The following NUP98 variants were observed in gnomAD, a reference collection of about 807,000 sequenced individuals.
The protein encoded by NUP98 is nuclear pore complex protein Nup98-Nup96.
NUP98 carries 26 observed loss-of-function variants against 191.9 expected under a neutral mutation model. The ratio of observed to expected loss-of-function variants is 0.14; its 90% CI spans 0.10 to 0.19. NUP98 has a LOEUF of 0.19. Ranked by LOEUF, NUP98 falls within the 10% of genes least tolerant of loss-of-function variation. NUP98 has a pLI of 1.00. For missense variants in NUP98, 1,941 were observed against 2,178.8 expected (o/e 0.89, Z 2.17); for synonymous variants, 808 against 778.4 (o/e 1.04, Z -0.63).
chr11:3,706,280 A>G (rs1215922468), intron 21 of NUP98, among the ~76,000 whole-genome samples, 165 bp downstream of exon 21: 3 of 152,338 alleles, frequency 2.0e-5, no homozygotes, highest in Admixed American at 1.3e-4. Flanking sequence ...ATCTCCTTGA[A>G]TAAGAGAATG....
Position 3,699,302 on chromosome 11 carries a change from C to G in NUP98, c.3789G>C (p.Trp1263Cys). ...SLTWTLCEAL[W>C]GHLKELDSQL... ...GGCTGTCAAGCTCCTTCAGGTGGCC[C>G]CATAGGGCTTCACATAGTGTCCATG... The change falls in exon 25 of 33, where the codon TGG becomes TGC. Residue 1263 changes from tryptophan (W) to cysteine (C), a missense_variant. Physicochemically the swap from Trp to Cys is radical, Grantham distance 215. Transcript: ENST00000324932. The G allele has an allele frequency of 6.2e-7, 1 of 1,614,162 alleles. No individual in the cohort carries two copies. The highest frequency in any genetic ancestry group is 8.5e-7 in the Non-Finnish European group (1 of 1,180,036).
At chr11:3,759,374 A>G (rs2081086900) in intron 10 of NUP98, among the ~76,000 whole-genome samples, 1 of 152,176 alleles carries the variant, frequency 6.6e-6, no homozygotes, top group Non-Finnish European at 1.5e-5. Context: ...AGGCAGGCAG[A>G]TCATTTGAGC....
chr11:3,796,161 C>G (rs1172784376), intron 1 of NUP98, among the ~76,000 whole-genome samples: 1 of 152,140 alleles, frequency 6.6e-6, no homozygotes, highest in South Asian at 2.1e-4. Context: ...GCTCTTTATT[C>G]CAGTTAGCTT....
At chr11:3,677,020 A>G (rs1022151606) in intron 31 of NUP98, among the ~76,000 whole-genome samples, 1 of 152,238 alleles carries the variant, frequency 6.6e-6, no homozygotes, top group African/African-American at 2.4e-5. Flanking sequence ...AGCCTTTTCT[A>G]AAACACCAAA....
At chr11:3,716,428 G>A (rs2079184914) in intron 18 of NUP98, among the ~76,000 whole-genome samples, 1 of 151,910 alleles carries the variant, frequency 6.6e-6, no homozygotes, top group South Asian at 2.1e-4. Context: ...ATTTAAGACT[G>A]GGCGTGGTGG....
At chr11:3,722,155 C>A (rs1368267050) in intron 16 of NUP98, among the ~76,000 whole-genome samples, 1 of 147,324 alleles carries the variant, frequency 6.8e-6, no homozygotes, top group Non-Finnish European at 1.5e-5. Flanking sequence ...GTCTGTCAAC[C>A]CAGGCTGGAG....
At chr11:3,685,738 G>A (rs2078115298) in intron 29 of NUP98, among the ~76,000 whole-genome samples, 1 of 152,146 alleles carries the variant, frequency 6.6e-6, no homozygotes, top group South Asian at 2.1e-4. Flanking sequence ...GAGAGACTTT[G>A]TGATAAATAT....
chr11:3,704,097 C>T lies in NUP98; in HGVS notation c.3082+1103G>A, dbSNP rs116949720. 3.5e-3 allele frequency among the ~76,000 whole-genome samples: 539 copies of T among 152,138 alleles called. 1 individual carries two copies. The highest frequency in any genetic ancestry group is 5.5e-3 in the Non-Finnish European group (371 of 67,996). On this transcript the variant is annotated intron_variant, in intron 22 of 32. Coordinates refer to ENST00000324932, the MANE Select transcript of NUP98 (RefSeq NM_016320.5). ...CCAGATTTTCATGTAGTATCCATTACGGAAAAGGTTATTAAGAATGTTTAA... is the reference window on the plus strand; with the variant it reads ...CCAGATTTTCATGTAGTATCCATTATGGAAAAGGTTATTAAGAATGTTTAA...
intron 8 of NUP98, among the ~76,000 whole-genome samples, chr11:3,766,571 C>G (rs560335169): frequency 9.9e-5 from 15 of 151,508 alleles, no homozygotes; most frequent in Non-Finnish European, 2.2e-4. Context: ...TGCCTGCAAT[C>G]CCAGCTATGT....
chr11:3,693,332 T>C lies in NUP98; in HGVS notation c.4211A>G (p.Gln1404Arg). ...AGCCAGGGAGCGTTTCCAATCCAAC[T>C]GGGAGCACACGTTTATTTGCTTCTT... ...SEKKQINVCS[Q>R]LDWKRSLAIH... The change falls in exon 27 of 33, where the codon CAG (glutamine) becomes CGG (arginine). Residue 1404 changes from glutamine (Q) to arginine (R), a missense_variant. Gln to Arg is a conservative substitution (Grantham distance 43). Transcript: ENST00000324932. 6.2e-7 allele frequency: 1 copy of C among 1,614,176 alleles called. No homozygotes were observed. Among genetic ancestry groups the C allele is most frequent in the Non-Finnish European group, 8.5e-7 (1 of 1,180,032 alleles).
chr11:3,724,793 G>GAAA (rs1564846976), intron 15 of NUP98, among the ~76,000 whole-genome samples: 1 of 90,854 alleles, frequency 1.1e-5, no homozygotes, highest in African/African-American at 5.0e-5. Context: ...AAAAAAAAAA[G>GAAA]AAAGAAAATC....
At chr11:3,693,459 T>G (rs2134066453) in intron 26 of NUP98, 84 bp from the exon 27 acceptor site, 1 of 1,327,774 alleles carries the variant, frequency 7.5e-7, no homozygotes, top group East Asian at 2.3e-5. Flanking sequence ...GAATATTCAC[T>G]TATTCAAGGA....
Position 3,680,548 on chromosome 11 carries a change from T to C in NUP98, c.4919-840A>G, listed in dbSNP as rs564775326. 3.2e-4 allele frequency among the ~76,000 whole-genome samples: 49 copies of C among 152,324 alleles called. No individual in the cohort carries two copies. The South Asian group carries it at 0.01, about 32-fold the overall frequency. On this transcript the variant is annotated intron_variant, in intron 30 of 32. Transcript: ENST00000324932. ...TCCTTCCATGAATCACAAATGTTTT[T>C]TGTGTATTTTTTTGTTGGGGTCTCA...
intron 22 of NUP98, among the ~76,000 whole-genome samples, chr11:3,704,298 T>C (rs372212420): frequency 1.1e-4 from 16 of 152,234 alleles, no homozygotes; most frequent in East Asian, 5.8e-4. Context: ...TTTCAAAATA[T>C]GTTGAAACTA....
intron 14 of NUP98, among the ~76,000 whole-genome samples, chr11:3,729,662 G>A (rs1411573124): frequency 1.5e-5 from 2 of 129,610 alleles, no homozygotes; most frequent in Non-Finnish European, 3.2e-5. Flanking sequence ...GTGCAGTGAT[G>A]TATGATTGCA....
At chr11:3,715,909 T>C (rs1169389487) in intron 18 of NUP98, among the ~76,000 whole-genome samples, 1 of 152,214 alleles carries the variant, frequency 6.6e-6, no homozygotes, top group Non-Finnish European at 1.5e-5. Context: ...ACCCATCTTC[T>C]TTGCTCATTT....
intron 10 of NUP98, among the ~76,000 whole-genome samples, chr11:3,754,655 G>GT (rs1376563675): frequency 1.3e-5 from 2 of 151,206 alleles, no homozygotes; most frequent in Non-Finnish European, 3.0e-5. Context: ...AAATCCACAG[G>GT]TATCAGCCAG....
At chr11:3,751,783 T>G (rs931064889) in intron 11 of NUP98, among the ~76,000 whole-genome samples, 1 of 151,802 alleles carries the variant, frequency 6.6e-6, no homozygotes, top group African/African-American at 2.4e-5. Flanking sequence ...GGTTTGAGCC[T>G]GGGAGGTAGA....
intron 10 of NUP98, among the ~76,000 whole-genome samples, chr11:3,757,890 A>G (rs2081030974): frequency 6.6e-6 from 1 of 152,194 alleles, no homozygotes; most frequent in South Asian, 2.1e-4. Flanking sequence ...TTTCAAAGGG[A>G]GTGGAAATTG....
Sources: gnomAD v4.1 joint callset for allele counts (sites outside exome capture counted in the v4.1 genomes callset) on GRCh38, gnomAD v4.1.1 for gene constraint, MANE v1.5 for transcripts, NCBI Gene and HGNC (gene_info 2026-07-23, HGNC 2026-07-21) for gene names.